The following OPHN1 variants were observed in gnomAD, a reference collection of about 807,000 sequenced individuals.
The protein encoded by OPHN1 is oligophrenin 1, also known as oligophrenin-1.
A neutral mutation model predicts 60.7 loss-of-function variants in OPHN1; 11 were observed. That is an observed-to-expected ratio of 0.18 (90% confidence interval 0.11 to 0.30). OPHN1 has a LOEUF of 0.30. OPHN1 is among the 10% of genes least tolerant of loss of function. OPHN1 has a pLI of 1.00. For synonymous variants in OPHN1, 226 were observed against 222.6 expected (o/e 1.02, Z -0.14); for missense variants, 449 against 611.0 (o/e 0.73, Z 2.80).
Position 68,073,283 on chromosome X carries a change from G to A in OPHN1, c.1703C>T (p.Pro568Leu). Residue 568 changes from proline to leucine, a missense_variant, in exon 20 of 25, where the codon CCT (proline) becomes CTT (leucine). Physicochemically the swap from Pro to Leu is moderately conservative, Grantham distance 98 (BLOSUM62 -3). This residue lies in a region of OPHN1 where 166 missense variants were observed against 278.4 expected (regional missense o/e 0.60). Transcript: ENST00000355520. ...CACTGGCGGTGCAGCGCTTTCCTCAGGTGGACCTAAATAGATCTGTGGAGA... is the reference window on the plus strand; with the variant it reads ...CACTGGCGGTGCAGCGCTTTCCTCAAGTGGACCTAAATAGATCTGTGGAGA... ...EHFGKIYLGP[P>L]EESAAPPVPP... The A allele has an allele frequency of 8.3e-7, 1 of 1,209,025 alleles. No homozygotes were observed. Among genetic ancestry groups the A allele is most frequent in the Non-Finnish European group, 1.1e-6 (1 of 893,882 alleles).
At chrX:68,380,460 G>A (rs1389144394) in intron 2 of OPHN1, among the ~76,000 whole-genome samples, 1 of 110,675 alleles carries the variant, frequency 9.0e-6, no homozygotes, top group Non-Finnish European at 1.9e-5. Flanking sequence ...GTTATTTCTT[G>A]CCTTCTGCTA....
At chrX:68,349,506 C>T (rs1291141343) in intron 2 of OPHN1, among the ~76,000 whole-genome samples, 3 of 111,773 alleles carry the variant, frequency 2.7e-5, no homozygotes, top group Non-Finnish European at 5.6e-5. Flanking sequence ...GTGGTGATTC[C>T]TCAGGGATCT....
At chrX:68,353,245 T>A (rs1190426244) in intron 2 of OPHN1, among the ~76,000 whole-genome samples, 3 of 108,451 alleles carry the variant, frequency 2.8e-5, no homozygotes, top group Non-Finnish European at 5.7e-5. Flanking sequence ...TGAGACATAC[T>A]TCATATACCA....
chrX:68,185,853 A>G (rs183367392), intron 15 of OPHN1, among the ~76,000 whole-genome samples: 62 of 110,557 alleles, frequency 5.6e-4, no homozygotes, highest in African/African-American at 1.8e-3. Context: ...TTGAAAGCCA[A>G]TGGAGTTCAA....
intron 15 of OPHN1, among the ~76,000 whole-genome samples, chrX:68,125,015 A>G (rs2077164350): frequency 9.0e-6 from 1 of 111,484 alleles, no homozygotes. Flanking sequence ...ACCACAATGG[A>G]AAAAAAAGCT....
intron 19 of OPHN1, among the ~76,000 whole-genome samples, chrX:68,095,749 G>T (rs769002322): frequency 9.0e-6 from 1 of 111,161 alleles, no homozygotes; most frequent in South Asian, 3.8e-4. Flanking sequence ...ATTGAATTAT[G>T]CTTTTCCCTA....
chrX:68,366,355 G>A (rs1247018230), intron 2 of OPHN1, among the ~76,000 whole-genome samples: 1 of 110,632 alleles, frequency 9.0e-6, no homozygotes, highest in Admixed American at 9.7e-5. Flanking sequence ...TTGAGACAGG[G>A]TCTCACTCTG....
intron 16 of OPHN1, among the ~76,000 whole-genome samples, chrX:68,117,736 C>T (rs1441795224): frequency 9.0e-6 from 1 of 111,452 alleles, no homozygotes; most frequent in South Asian, 3.8e-4. Flanking sequence ...TCCTGGAACA[C>T]AGCTATCTTT....
chrX:68,177,469 T>A (rs2077419173), intron 15 of OPHN1, among the ~76,000 whole-genome samples: 1 of 111,471 alleles, frequency 9.0e-6, no homozygotes, highest in South Asian at 3.8e-4. Flanking sequence ...CACAGCTAGA[T>A]AATCTGGTCA....
At chrX:68,126,951 T>G (rs1246709682) in intron 15 of OPHN1, among the ~76,000 whole-genome samples, 1 of 112,046 alleles carries the variant, frequency 8.9e-6, no homozygotes, top group Non-Finnish European at 1.9e-5. Flanking sequence ...GTATCTGGAA[T>G]TTTTATGCAA....
At chrX:68,083,636 G>C (rs193136516) in intron 19 of OPHN1, among the ~76,000 whole-genome samples, 3 of 112,564 alleles carry the variant, frequency 2.7e-5, no homozygotes, top group African/African-American at 9.7e-5. Context: ...TTGGCTAACT[G>C]TTTGGCACAA....
At chrX:68,172,443 T>C (rs1158344168) in intron 15 of OPHN1, among the ~76,000 whole-genome samples, 2 of 111,691 alleles carry the variant, frequency 1.8e-5, no homozygotes, top group Non-Finnish European at 3.8e-5. Context: ...GGAAGATTAC[T>C]TTGGCTTGGA....
At chrX:68,202,444 A>G (rs2077538867) in intron 10 of OPHN1, among the ~76,000 whole-genome samples, 1 of 111,535 alleles carries the variant, frequency 9.0e-6, no homozygotes, top group African/African-American at 3.3e-5. Flanking sequence ...AACAGAGACC[A>G]TGTGATACAG....
intron 2 of OPHN1, among the ~76,000 whole-genome samples, chrX:68,346,830 C>A (rs1463216618): frequency 8.9e-6 from 1 of 111,943 alleles, no homozygotes; most frequent in East Asian, 2.8e-4. Context: ...GCCCCCAAAT[C>A]ATTATACTCC....
chrX:68,317,380 G>GAAAGAAAGAAAGA (rs397961005), intron 2 of OPHN1, among the ~76,000 whole-genome samples: 504 of 26,003 alleles, frequency 0.019, 6 homozygotes, highest in East Asian at 0.049. Context: ...AGAAAGAAAG[G>GAAAGAAAGAAAGA]AAGGAAGGAA....
intron 3 of OPHN1, among the ~76,000 whole-genome samples, chrX:68,287,790 G>GTT (rs2078052199): frequency 8.9e-6 from 1 of 111,995 alleles, no homozygotes; most frequent in Non-Finnish European, 1.9e-5. Context: ...AACATGCACT[G>GTT]TTTTGTTGCA....
chrX:68,068,993 C>A (rs1464049826), intron 20 of OPHN1, among the ~76,000 whole-genome samples: 1 of 111,965 alleles, frequency 8.9e-6, no homozygotes, highest in Non-Finnish European at 1.9e-5. Flanking sequence ...AAGATAGTTG[C>A]ACAAAATTTA....
At chrX:68,363,751 C>T (rs927272463) in intron 2 of OPHN1, among the ~76,000 whole-genome samples, 10 of 111,015 alleles carry the variant, frequency 9.0e-5, no homozygotes, top group Non-Finnish European at 1.7e-4. Flanking sequence ...TAAAACAGTC[C>T]GTATCAGAAA....
intron 10 of OPHN1, among the ~76,000 whole-genome samples, chrX:68,204,471 C>G (rs1433099215): frequency 9.0e-6 from 1 of 111,544 alleles, no homozygotes; most frequent in African/African-American, 3.3e-5. Flanking sequence ...GCTCAGTGTC[C>G]GGCACACAGC....
Sources: gnomAD v4.1 joint callset for allele counts (sites outside exome capture counted in the v4.1 genomes callset) on GRCh38, gnomAD v4.1.1 for gene constraint, gnomAD v4.1.1 regional missense constraint, MANE v1.5 for transcripts, NCBI Gene and HGNC (gene_info 2026-07-23, HGNC 2026-07-21) for gene names.